The following AGO4 variants were observed in gnomAD, a reference collection of about 807,000 sequenced individuals.
AGO4 encodes argonaute RISC component 4.
In AGO4, 33 loss-of-function variants were observed where a neutral mutation model predicts 104.7. The ratio of observed to expected loss-of-function variants is 0.32; its 90% confidence interval spans 0.24 to 0.42. AGO4 has a LOEUF of 0.42. Among genes scored for constraint, AGO4 ranks in the 10% least tolerant of loss-of-function variants. AGO4 has a pLI of 1.00. For missense variants in AGO4, 711 were observed against 1,083.4 expected (o/e 0.66, Z 4.83); for synonymous variants, 331 against 364.7 (o/e 0.91, Z 1.05).
intron 2 of AGO4, among the ~76,000 whole-genome samples, chr1:35,819,211 G>C (rs1192892370): frequency 6.6e-6 from 1 of 152,152 alleles, no homozygotes; most frequent in African/African-American, 2.4e-5. Flanking sequence ...TCATTTATCA[G>C]ATGGGGAAAA....
rs1643350499 is a variant in AGO4, at chr1:35,808,051, T to C, written c.-366T>C. The C allele has an allele frequency of 6.7e-6, 1 of 149,444 alleles. No homozygotes were observed. The highest frequency in any genetic ancestry group is 1.5e-5 in the Non-Finnish European group (1 of 66,990). The allele number at this position is 149,444 out of a possible 1,614,324, so 9.3% of individuals were successfully genotyped here. On this transcript the variant is annotated 5_prime_UTR_variant, in exon 1 of 18. Transcript: ENST00000373210. This position sits in a 1 kb window ranked among gnomAD's most constrained non-coding sequence, Gnocchi z 5.2. ...CCGCCTCGCCGCCTGCCGGGCTCTG[T>C]GGACCCCGCGCCCGGGGCCGCGCAC...
intron 15 of AGO4, among the ~76,000 whole-genome samples, chr1:35,844,361 A>G (rs937798519): frequency 2.0e-5 from 3 of 152,176 alleles, no homozygotes; most frequent in African/African-American, 7.2e-5. Flanking sequence ...TCTGTTTAAT[A>G]AAGAACCATA....
intron 15 of AGO4, among the ~76,000 whole-genome samples, chr1:35,846,689 G>T (rs540285161): frequency 6.6e-6 from 1 of 151,250 alleles, no homozygotes; most frequent in Non-Finnish European, 1.5e-5. Flanking sequence ...GACTCAAGTG[G>T]TCCTCCCACC....
chr1:35,818,658 A>AAAGAAAGAAAGAAAGGAAGG (rs1553144552), intron 2 of AGO4, among the ~76,000 whole-genome samples: 2 of 61,508 alleles, frequency 3.3e-5, no homozygotes, highest in African/African-American at 5.7e-5. Context: ...AGAAAGAAAG[A>AAAGAAAGAAAGAAAGGAAGG]AAGGAAGAAA....
At chr1:35,851,196 G>A (rs1557584160) in intron 17 of AGO4, 143 bp downstream of exon 17, 1 of 798,372 alleles carries the variant, frequency 1.3e-6, no homozygotes, top group Non-Finnish European at 2.0e-6. Flanking sequence ...GTGCCTCTGA[G>A]AGCTTGTAAT....
chr1:35,825,911 T>C lies in AGO4; in HGVS notation c.626-15T>C, dbSNP rs753280614. On this transcript the variant is annotated splice_polypyrimidine_tract_variant and intron_variant, in intron 5 of 17. Coordinates refer to ENST00000373210, the MANE Select transcript of AGO4 (RefSeq NM_017629.4). Reference sequence around the variant, plus strand: ...CCCTTTTCCCTGAAGTGAAGTATCCTTCTCTGTTTGTTAGTATCTGCAACT... The same window carrying C: ...CCCTTTTCCCTGAAGTGAAGTATCCCTCTCTGTTTGTTAGTATCTGCAACT... 6.2e-7 allele frequency: 1 copy of C among 1,613,370 alleles called. No homozygotes were observed. Among genetic ancestry groups the C allele is most frequent in the Non-Finnish European group, 8.5e-7 (1 of 1,179,714 alleles).
intron 1 of AGO4, among the ~76,000 whole-genome samples, chr1:35,809,113 T>C (rs1443776284): frequency 6.6e-6 from 1 of 152,188 alleles, no homozygotes; most frequent in African/African-American, 2.4e-5. Context: ...CAGGCTTCAA[T>C]GCCCTGAGTT....
chr1:35,820,677 T>A (rs1340718938), intron 2 of AGO4, among the ~76,000 whole-genome samples: 2 of 152,074 alleles, frequency 1.3e-5, no homozygotes, highest in African/African-American at 4.8e-5. Flanking sequence ...TGATTTTTTT[T>A]TTTAGGATGA....
chr1:35,833,418 A>C (rs1162856364), intron 11 of AGO4, among the ~76,000 whole-genome samples: 1 of 152,262 alleles, frequency 6.6e-6, no homozygotes, highest in Admixed American at 6.5e-5. Flanking sequence ...ACATAGATTG[A>C]AGTAACTTCT....
intron 2 of AGO4, among the ~76,000 whole-genome samples, chr1:35,822,512 C>G (rs1029826311): frequency 2.0e-5 from 3 of 152,086 alleles, no homozygotes; most frequent in African/African-American, 7.2e-5. Context: ...CCTCAGCCTC[C>G]CAAAGTGCTG....
At chr1:35,848,059 C>T (rs1328752830) in intron 15 of AGO4, among the ~76,000 whole-genome samples, 1 of 152,162 alleles carries the variant, frequency 6.6e-6, no homozygotes, top group Admixed American at 6.5e-5. Flanking sequence ...ACCAAAAAAT[C>T]TTCAGGTGTC....
Position 35,856,214 on chromosome 1 carries a change from T to G in AGO4, c.*2609T>G, listed in dbSNP as rs1571322354. On this transcript the variant is annotated 3_prime_UTR_variant, in exon 18 of 18. Coordinates refer to ENST00000373210, the MANE Select transcript of AGO4 (RefSeq NM_017629.4). ...GGAAAGAAATTTGGAAGAGCTGGGA[T>G]TATTGGCAAAAACTTGCTGAGGGGT... 6.6e-6 allele frequency: 1 copy of G among 152,194 alleles called. No individual in the cohort carries two copies. The highest frequency in any genetic ancestry group is 1.5e-5 in the Non-Finnish European group (1 of 68,026). The allele number at this position is 152,194 out of a possible 1,614,324, so 9.4% of individuals were successfully genotyped here. A position where few individuals can be genotyped will look rare whatever the true frequency, so the allele number is the denominator to read the frequency against.
intron 2 of AGO4, among the ~76,000 whole-genome samples, chr1:35,817,306 C>A (rs188736755): frequency 7.9e-5 from 12 of 151,766 alleles, no homozygotes; most frequent in African/African-American, 2.9e-4. Flanking sequence ...CCAAGGGTAG[C>A]AAAAATTTAC....
rs376527323 is a variant in AGO4, at chr1:35,831,455, G to C, written c.877G>C (p.Ala293Pro). The C allele has an allele frequency of 1.7e-5, 27 of 1,613,090 alleles. No individual in the cohort carries two copies. Among genetic ancestry groups the C allele is most frequent in the Non-Finnish European group, 2.1e-5 (25 of 1,179,798 alleles). ...TCCTTTGCAGCTAGAAAACGGTCAAGCTATGGAATGTACAGTAGCTCAATA... is the reference window on the plus strand; with the variant it reads ...TCCTTTGCAGCTAGAAAACGGTCAACCTATGGAATGTACAGTAGCTCAATA... ...TFPLQLENGQAMECTVAQYFK... is the reference protein window; with the variant it reads ...TFPLQLENGQPMECTVAQYFK... The change falls in exon 8 of 18, where the codon GCT becomes CCT. Residue 293 changes from alanine (A) to proline (P), a missense_variant. Around this residue, in one of 3 missense-constraint regions of AGO4, gnomAD observed 308 missense variants for 397.8 expected, o/e 0.77. Transcript: ENST00000373210.
intron 12 of AGO4, among the ~76,000 whole-genome samples, chr1:35,834,988 C>T (rs548062680): frequency 9.9e-5 from 15 of 151,432 alleles, no homozygotes; most frequent in East Asian, 3.9e-4. Context: ...TGGGCCAGCA[C>T]GCCCAGCCAG....
intron 11 of AGO4, 64 bp downstream of exon 11, chr1:35,832,634 G>A: frequency 6.3e-7 from 1 of 1,583,012 alleles, no homozygotes; most frequent in Non-Finnish European, 8.6e-7. Context: ...CTGTCTTTAT[G>A]TGAATGTGCT....
Position 35,831,889 on chromosome 1 carries a change from A to T in AGO4, c.1074A>T (p.Thr358=), listed in dbSNP as rs751658615. The change falls in exon 9 of 18, where the codon ACA becomes ACT. Residue 358 remains threonine, a synonymous_variant. Transcript: ENST00000373210. ...AGACTTCCACAATGATCAAAGCTAC[A>T]GCAAGATCTGCTCCTGACAGACAGG... ...DNQTSTMIKA[T]ARSAPDRQEE... 1.2e-6 allele frequency: 2 copies of T among 1,614,078 alleles called. No individual in the cohort carries two copies. The highest frequency in any genetic ancestry group is 2.7e-5 in the African/African-American group (2 of 74,942).
At chr1:35,810,571 C>T (rs1643468083) in intron 1 of AGO4, among the ~76,000 whole-genome samples, 1 of 152,072 alleles carries the variant, frequency 6.6e-6, no homozygotes, top group Admixed American at 6.6e-5. Flanking sequence ...GCTTTTATGA[C>T]TATTAGCTCA....
intron 17 of AGO4, among the ~76,000 whole-genome samples, chr1:35,853,143 C>G (rs1455106273): frequency 2.0e-5 from 3 of 149,158 alleles, no homozygotes; most frequent in Non-Finnish European, 4.4e-5. Flanking sequence ...CCCAGCTACT[C>G]GGGAGGCTGA....
Sources: gnomAD v4.1 joint callset for allele counts (sites outside exome capture counted in the v4.1 genomes callset) on GRCh38, gnomAD v4.1.1 for gene constraint, gnomAD v4.1.1 regional missense constraint, Gnocchi (gnomAD v3.1) non-coding constraint, MANE v1.5 for transcripts, NCBI Gene and HGNC (gene_info 2026-07-23, HGNC 2026-07-21) for gene names.